Variants in ASTN1 observed in about 807,000 individuals in gnomAD.
ASTN1 encodes astrotactin 1.
In ASTN1, 41 loss-of-function variants were observed where a neutral mutation model predicts 140.7. The observed-to-expected ratio is 0.29, with a 90% CI of 0.23 to 0.38. The LOEUF (loss-of-function observed/expected upper bound fraction) is 0.38, where lower values mean the gene tolerates loss of function less well. Among genes scored for constraint, ASTN1 ranks in the 10% least tolerant of loss-of-function variants. The pLI, the probability that ASTN1 is intolerant of heterozygous loss-of-function variation, is 1.00. For missense variants in ASTN1, 1,479 were observed against 1,678.8 expected, an observed-to-expected ratio of 0.88 and a Z score of 2.08; for synonymous variants, 640 against 652.2, an observed-to-expected ratio of 0.98 and a Z score of 0.29.
intron 8 of ASTN1, among the ~76,000 whole-genome samples, chr1:176,965,737 TG>T (rs1241841496): frequency 2.6e-5 from 4 of 152,198 alleles, no homozygotes; most frequent in African/African-American, 9.6e-5. Context: ...CAGACCATTG[TG>T]AAGATTAAGC....
chr1:176,911,672 A>G (rs1670246940), intron 16 of ASTN1, among the ~76,000 whole-genome samples: 3 of 152,194 alleles, frequency 2.0e-5, no homozygotes, highest in Admixed American at 6.5e-5. Flanking sequence ...TGGAGCTGTC[A>G]TCTCCTGAAA....
intron 19 of ASTN1, 110 bp from the exon 20 acceptor site, chr1:176,883,104 A>C (rs1668879256): frequency 9.1e-6 from 13 of 1,435,610 alleles, no homozygotes; most frequent in Non-Finnish European, 1.2e-5. Context: ...TTGGTCCTCA[A>C]TCTCTAGAGT....
rs527831505 is a variant in ASTN1 at position 177,119,687 on chromosome 1, C to T, written c.283+44707G>A. 2.6e-5 allele frequency among the ~76,000 whole-genome samples: 4 copies of T among 152,220 alleles called. 1 individual carries two copies. Among genetic ancestry groups the T allele is most frequent in the Admixed American group, 6.5e-5 (1 of 15,286 alleles). Reference sequence around the variant, plus strand: ...GATTTTTCCTAGGACTCCGTATACTCCTGGAGTGGCCTTGACCACTACGGA... The same window carrying T: ...GATTTTTCCTAGGACTCCGTATACTTCTGGAGTGGCCTTGACCACTACGGA... On this transcript the variant is annotated intron_variant, in intron 1 of 22. Coordinates refer to ENST00000361833, the MANE Select transcript of ASTN1 (RefSeq NM_004319.3).
intron 1 of ASTN1, among the ~76,000 whole-genome samples, chr1:177,126,608 T>A (rs1681663022): frequency 6.6e-6 from 1 of 151,996 alleles, no homozygotes; most frequent in East Asian, 1.9e-4. Context: ...CCCCAAAGAG[T>A]GGGATACCTC....
chr1:176,960,971 A>G (rs1237301557), intron 9 of ASTN1, among the ~76,000 whole-genome samples: 1 of 152,070 alleles, frequency 6.6e-6, no homozygotes, highest in African/African-American at 2.4e-5. Context: ...TCCTGAAATG[A>G]TGAGTTGTGC....
chr1:177,047,100 A>C (rs1170429631), intron 2 of ASTN1, among the ~76,000 whole-genome samples: 1 of 152,138 alleles, frequency 6.6e-6, no homozygotes, highest in Non-Finnish European at 1.5e-5. Context: ...AGGAGCTTAC[A>C]CTCAGGGGAG....
chr1:176,894,511 C>G, intron 17 of ASTN1, 51 bp downstream of exon 17: 1 of 1,588,502 alleles, frequency 6.3e-7, no homozygotes. Flanking sequence ...ATTTGGAAAG[C>G]CTTCTGTTGT....
At chr1:176,896,828 T>C (rs191868212) in intron 16 of ASTN1, among the ~76,000 whole-genome samples, 34 of 152,312 alleles carry the variant, frequency 2.2e-4, no homozygotes, top group Admixed American at 2.2e-3. Flanking sequence ...CACATTCTGA[T>C]GAGTCTGAGA....
At chr1:176,942,461 G>C (rs1671759291) in intron 14 of ASTN1, among the ~76,000 whole-genome samples, 2 of 151,970 alleles carry the variant, frequency 1.3e-5, no homozygotes, top group African/African-American at 4.8e-5. Context: ...CTTGATGTCT[G>C]GAAGAGACCT....
chr1:177,077,232 G>A (rs1359361654), intron 1 of ASTN1, among the ~76,000 whole-genome samples: 3 of 152,040 alleles, frequency 2.0e-5, no homozygotes, highest in Non-Finnish European at 4.4e-5. Flanking sequence ...CAATCTCAGC[G>A]TGACTCCCCT....
intron 1 of ASTN1, among the ~76,000 whole-genome samples, chr1:177,074,409 G>A (rs1034369380): frequency 4.6e-5 from 7 of 152,110 alleles, no homozygotes; most frequent in African/African-American, 1.7e-4. Context: ...TTAAAGGGAG[G>A]ATCTATCAAA....
intron 2 of ASTN1, among the ~76,000 whole-genome samples, chr1:177,038,789 A>C (rs1385040582): frequency 6.6e-6 from 1 of 152,172 alleles, no homozygotes; most frequent in Non-Finnish European, 1.5e-5. Flanking sequence ...TTTATATTTT[A>C]GTTAAAGAAA....
intron 1 of ASTN1, among the ~76,000 whole-genome samples, chr1:177,111,335 T>A (rs556984971): frequency 6.6e-6 from 1 of 152,236 alleles, no homozygotes; most frequent in South Asian, 2.1e-4. Flanking sequence ...AGAGAGGCAA[T>A]ACCGATGTCA....
In ASTN1 at chr1:177,063,493, C is replaced by A. The variant is rs958063775; in HGVS notation, c.284-2228G>T. On this transcript the variant is annotated intron_variant, in intron 1 of 22. Coordinates refer to ENST00000361833, the MANE Select transcript of ASTN1 (RefSeq NM_004319.3). ...CCTCATTTATTAAGCGAGGCTGTGA[C>A]ACAGACTTCTCCAGGAAAAGAGTCC... 5.3e-5 allele frequency among the ~76,000 whole-genome samples: 8 copies of A among 152,144 alleles called. No individual in the cohort carries two copies. In the South Asian group the frequency reaches 1.7e-3, roughly 32 times the overall value.
intron 1 of ASTN1, among the ~76,000 whole-genome samples, chr1:177,083,900 G>A (rs2902093): frequency 0.4 from 61,468 of 151,978 alleles, 13,566 homozygotes; most frequent in Non-Finnish European, 0.5. Flanking sequence ...AGGGATAGAC[G>A]TTCTACATCC....
chr1:177,086,793 T>C (rs979851153), intron 1 of ASTN1, among the ~76,000 whole-genome samples: 7 of 152,216 alleles, frequency 4.6e-5, no homozygotes, highest in Non-Finnish European at 8.8e-5. Flanking sequence ...TTCTTCTCTA[T>C]ATTTTTCTGC....
intron 16 of ASTN1, among the ~76,000 whole-genome samples, chr1:176,926,540 A>G (rs762343719): frequency 1.8e-4 from 28 of 152,252 alleles, no homozygotes; most frequent in Non-Finnish European, 3.5e-4. Context: ...GTTGTGGAAC[A>G]GCTGCCTTCT....
chr1:177,035,002 T>A (rs1676645861), intron 2 of ASTN1, among the ~76,000 whole-genome samples: 1 of 152,206 alleles, frequency 6.6e-6, no homozygotes, highest in Admixed American at 6.5e-5. Flanking sequence ...ACAACAGGGT[T>A]ATGATGAGGT....
chr1:176,921,575 T>C (rs34305032), intron 16 of ASTN1, among the ~76,000 whole-genome samples: 6,960 of 152,320 alleles, frequency 0.046, 172 homozygotes, highest in African/African-American at 0.068. Context: ...CATTAACTGG[T>C]AGCTGGAAAC....
Sources: gnomAD v4.1 joint callset for allele counts (sites outside exome capture counted in the v4.1 genomes callset) on GRCh38, gnomAD v4.1.1 for gene constraint, MANE v1.5 for transcripts, NCBI Gene and HGNC (gene_info 2026-07-23, HGNC 2026-07-21) for gene names.